CCDC33: variants seen among roughly 807,000 people sequenced by gnomAD.
The protein encoded by CCDC33 is coiled-coil domain containing 33, also known as coiled-coil domain-containing protein 33.
Under a neutral mutation model 91.9 loss-of-function variants are expected in CCDC33, and 94 were observed. The observed-to-expected ratio is 1.02, with a 90% confidence interval of 0.87 to 1.21. CCDC33 has a LOEUF of 1.21. Among genes scored for constraint, CCDC33 ranks in the 50% most tolerant of loss-of-function variants. The pLI, the probability that CCDC33 is intolerant of heterozygous loss-of-function variation, is 0.00. For missense variants in CCDC33, 940 were observed against 935.5 expected (o/e 1.00, Z -0.06); for synonymous variants, 396 against 374.5 (o/e 1.06, Z -0.66).
At chr15:74,253,012 A>G (rs1009873611) in intron 2 of CCDC33, among the ~76,000 whole-genome samples, 1 of 152,156 alleles carries the variant, frequency 6.6e-6, no homozygotes, top group African/African-American at 2.4e-5. Context: ...CATCTCTGCC[A>G]CCTGGGGCCC....
intron 11 of CCDC33, among the ~76,000 whole-genome samples, chr15:74,327,979 T>G (rs2060344715): frequency 6.6e-6 from 1 of 152,230 alleles, no homozygotes; most frequent in Non-Finnish European, 1.5e-5. Context: ...CAAGCTGTGC[T>G]GCAGTGAGCA....
intron 1 of CCDC33, among the ~76,000 whole-genome samples, chr15:74,241,576 A>G (rs2075350130): frequency 6.6e-6 from 1 of 152,238 alleles, no homozygotes; most frequent in Admixed American, 6.5e-5. Flanking sequence ...CAAGGCTCTG[A>G]GAGAAGCAGC....
intron 1 of CCDC33, among the ~76,000 whole-genome samples, chr15:74,207,153 C>T (rs1178037521): frequency 6.6e-6 from 1 of 152,186 alleles, no homozygotes; most frequent in East Asian, 1.9e-4. Flanking sequence ...CAGAGGCCCA[C>T]GTGCATTTCT....
chr15:74,276,353 C>T (rs889985760), intron 7 of CCDC33, among the ~76,000 whole-genome samples: 8 of 152,172 alleles, frequency 5.3e-5, no homozygotes, highest in African/African-American at 9.7e-5. Context: ...ACTCCTACCC[C>T]GGCACCTTGG....
chr15:74,227,754 G>A (rs78650211), intron 2 of CCDC33, among the ~76,000 whole-genome samples: 9,081 of 152,286 alleles, frequency 0.06, 321 homozygotes, highest in East Asian at 0.11. Context: ...TTGAGTTCAG[G>A]TTCCTGGTCT....
chr15:74,312,536 C>T (rs1438286364), intron 11 of CCDC33, among the ~76,000 whole-genome samples: 1 of 152,222 alleles, frequency 6.6e-6, no homozygotes, highest in Non-Finnish European at 1.5e-5. Flanking sequence ...GCCCTGCCCC[C>T]GCACCACCCC....
chr15:74,336,121 T>G lies in CCDC33; in HGVS notation c.*68T>G. 1.9e-6 allele frequency: 3 copies of G among 1,583,672 alleles called. No homozygotes were observed. Among genetic ancestry groups the G allele is most frequent in the Non-Finnish European group, 2.6e-6 (3 of 1,166,774 alleles). On this transcript the variant is annotated 3_prime_UTR_variant, in exon 19 of 19. Coordinates refer to ENST00000398814, the MANE Select transcript of CCDC33 (RefSeq NM_025055.5). Reference sequence around the variant, plus strand: ...TCACCGCCCCCTAAAAATGACGTTATTAAATGTTGTAGCTCTGTGAGCATT... The same window carrying G: ...TCACCGCCCCCTAAAAATGACGTTAGTAAATGTTGTAGCTCTGTGAGCATT...
intron 11 of CCDC33, chr15:74,302,092 T>C: frequency 6.6e-6 from 1 of 151,688 alleles, no homozygotes; most frequent in Admixed American, 6.6e-5. Context: ...CCTTTCCCCC[T>C]CCCTCCACCT....
At chr15:74,227,184 T>G (rs979925076) in intron 2 of CCDC33, among the ~76,000 whole-genome samples, 1 of 152,244 alleles carries the variant, frequency 6.6e-6, no homozygotes, top group South Asian at 2.1e-4. Context: ...CTAGAGGAGA[T>G]AGACAGCTTG....
chr15:74,220,566 T>C (rs1253924471), intron 2 of CCDC33, among the ~76,000 whole-genome samples: 6 of 152,180 alleles, frequency 3.9e-5, no homozygotes, highest in Admixed American at 3.9e-4. Context: ...ACGTGGACGA[T>C]GCTCTTCAGG....
intron 4 of CCDC33, 41 bp from the exon 5 acceptor site, chr15:74,268,301 C>T: frequency 2.1e-6 from 3 of 1,447,084 alleles, no homozygotes; most frequent in Non-Finnish European, 2.9e-6. Flanking sequence ...CCCTTAGACA[C>T]TCTCCTTCCT....
At chr15:74,221,231 T>TG (rs2074587624) in intron 2 of CCDC33, 16 of 978,336 alleles carry the variant, frequency 1.6e-5, no homozygotes, top group Admixed American at 6.5e-5. Flanking sequence ...TTTTTTTTTT[T>TG]TTTTTTTTTT....
Position 74,336,117 on chromosome 15 carries a change from G to T in CCDC33, c.*64G>T. On this transcript the variant is annotated 3_prime_UTR_variant, in exon 19 of 19. Transcript: ENST00000398814. ...CTCATCACCGCCCCCTAAAAATGAC[G>T]TTATTAAATGTTGTAGCTCTGTGAG... 3 of 1,584,848 alleles carry T rather than the reference G, an allele frequency of 1.9e-6. No homozygotes were observed. The highest frequency in any genetic ancestry group is 1.7e-6 in the Non-Finnish European group (2 of 1,167,124).
At chr15:74,327,826 C>T (rs910814399) in intron 11 of CCDC33, among the ~76,000 whole-genome samples, 3 of 152,186 alleles carry the variant, frequency 2.0e-5, no homozygotes, top group African/African-American at 7.2e-5. Flanking sequence ...CGGTTATGGA[C>T]AGGATCGTAT....
intron 16 of CCDC33, 154 bp downstream of exon 16, chr15:74,332,999 G>C (rs1434451936): frequency 1.1e-6 from 1 of 890,224 alleles, no homozygotes; most frequent in Non-Finnish European, 1.7e-6. Flanking sequence ...CTCAGGCCTT[G>C]GTCTTTTTCT....
intron 3 of CCDC33, among the ~76,000 whole-genome samples, chr15:74,263,422 C>G (rs1323512803): frequency 2.0e-5 from 3 of 152,218 alleles, no homozygotes; most frequent in Non-Finnish European, 1.5e-5. Flanking sequence ...CCCTTGAAAT[C>G]TTGCCAGGAC....
At chr15:74,297,513 T>C (rs1004182238) in intron 11 of CCDC33, among the ~76,000 whole-genome samples, 2 of 152,050 alleles carry the variant, frequency 1.3e-5, no homozygotes, top group East Asian at 3.9e-4. Flanking sequence ...GGCAACATAA[T>C]GAGATCCTAT....
intron 2 of CCDC33, among the ~76,000 whole-genome samples, chr15:74,230,152 C>T (rs2074922985): frequency 6.6e-6 from 1 of 152,274 alleles, no homozygotes; most frequent in East Asian, 1.9e-4. Flanking sequence ...GTGAGCAGAC[C>T]AGGAGGCTGG....
intron 2 of CCDC33, among the ~76,000 whole-genome samples, chr15:74,224,818 T>C (rs1432345764): frequency 1.3e-5 from 2 of 152,204 alleles, no homozygotes; most frequent in Admixed American, 6.5e-5. Context: ...GATGTCTGTA[T>C]TGGGCAAAGA....
Sources: gnomAD v4.1 joint callset for allele counts (sites outside exome capture counted in the v4.1 genomes callset) on GRCh38, gnomAD v4.1.1 for gene constraint, MANE v1.5 for transcripts, NCBI Gene and HGNC (gene_info 2026-07-23, HGNC 2026-07-21) for gene names.